Variants in RYR1 observed in about 807,000 individuals in gnomAD.
RYR1 encodes the protein ryanodine receptor 1.
Under a neutral mutation model 583.5 loss-of-function variants are expected in RYR1, and 342 were observed. The observed-to-expected ratio is 0.59, with a 90% CI of 0.54 to 0.64. The LOEUF (loss-of-function observed/expected upper bound fraction) is 0.64. Among genes scored for constraint, RYR1 ranks in the 30% least tolerant of loss-of-function variants. The pLI is 0.00. For synonymous variants in RYR1, 2,791 were observed against 2,822.5 expected (o/e 0.99, Z 0.35); for missense variants, 6,032 against 6,917.2 (o/e 0.87, Z 4.54).
chr19:38,584,062 C>T (rs982785602), intron 101 of RYR1, among the ~76,000 whole-genome samples: 2 of 152,016 alleles, frequency 1.3e-5, no homozygotes, highest in Non-Finnish European at 2.9e-5. Flanking sequence ...CCTAAGGCCT[C>T]CTTTAGGTTT....
intron 13 of RYR1, among the ~76,000 whole-genome samples, chr19:38,453,284 G>T (rs532705047): frequency 2.0e-5 from 3 of 151,608 alleles, no homozygotes; most frequent in African/African-American, 7.3e-5. Context: ...GGCGGGGCCT[G>T]GAGAGAAGGA....
At chr19:38,468,115 AC>A (rs1173133441) in intron 25 of RYR1, among the ~76,000 whole-genome samples, 1 of 140,936 alleles carries the variant, frequency 7.1e-6, no homozygotes, top group East Asian at 2.1e-4. Flanking sequence ...CAGCTAACCA[AC>A]CATCCATTCA....
intron 76 of RYR1, 107 bp downstream of exon 76, chr19:38,529,164 G>A (rs763349606): frequency 5.8e-5 from 63 of 1,082,968 alleles, no homozygotes; most frequent in Non-Finnish European, 7.7e-5. Flanking sequence ...TCCTGGGGGA[G>A]CCCAAGACAG....
rs1434643889 is a variant in RYR1, at chr19:38,565,561, C to A, written c.13227C>A (p.Ser4409Arg). The A allele has an allele frequency of 1.3e-6, 2 of 1,483,372 alleles. No homozygotes were observed. Among genetic ancestry groups the A allele is most frequent in the Admixed American group, 2.2e-5 (1 of 44,774 alleles). The allele number at this position is 1,483,372 out of a possible 1,614,324, so 91.9% of individuals were successfully genotyped here. A position where few individuals can be genotyped will look rare whatever the true frequency, so the allele number is the denominator to read the frequency against. ...PGGDADGEGA[S>R]EGAGDAAEGA... ...GAGACGCAGACGGCGAGGGTGCCAG[C>A]GAGGGCGCTGGAGACGCCGCGGAGG... The change falls in exon 91 of 106, where the codon AGC becomes AGA. Residue 4409 changes from serine (S) to arginine (R), a missense_variant. Around this residue, in one of 11 missense-constraint regions of RYR1, gnomAD observed 753 missense variants for 759.6 expected, o/e 0.99. Transcript: ENST00000359596. The surrounding 1 kb of genome is among the most constrained non-coding windows in gnomAD (Gnocchi z 4.7).
At chr19:38,498,947 G>A (rs903125900) in intron 42 of RYR1, among the ~76,000 whole-genome samples, 161 bp from the exon 43 acceptor site, 1 of 152,236 alleles carries the variant, frequency 6.6e-6, no homozygotes, top group African/African-American at 2.4e-5. Context: ...TGGAGTTGCT[G>A]TAGTTTACAG....
At position 38,455,737 on chromosome 19, in the gene RYR1, G is replaced by A; in HGVS notation, c.1777G>A (p.Gly593Arg). The stretch of plus-strand genomic sequence containing the variant: ...CATCATCTCCCTCCTGGACAAGCAT[G>A]GGAGGAACCACAAGGTCGGCCCCTC... Reference protein sequence around the residue: ...KSIISLLDKHGRNHKVLDVLC... With the variant: ...KSIISLLDKHRRNHKVLDVLC... The change falls in exon 16 of 106, where the codon GGG becomes AGG. Residue 593 changes from glycine to arginine, a missense_variant. Physicochemically the swap from Gly to Arg is moderately radical, Grantham distance 125 (BLOSUM62 -2). Coordinates refer to ENST00000359596, the MANE Select transcript of RYR1 (RefSeq NM_000540.3). The A allele has an allele frequency of 6.2e-7, 1 of 1,609,688 alleles. No individual in the cohort carries two copies. Among genetic ancestry groups the A allele is most frequent in the Non-Finnish European group, 8.5e-7 (1 of 1,176,524 alleles).
chr19:38,522,859 G>GA (rs145400994), intron 67 of RYR1, among the ~76,000 whole-genome samples, 169 bp from the exon 68 acceptor site: 2 of 151,750 alleles, frequency 1.3e-5, no homozygotes, highest in African/African-American at 2.4e-5. Context: ...CTGAGACAGA[G>GA]AAAAAAAATT....
At position 38,496,556 on chromosome 19, in the gene RYR1, G is replaced by T. The variant is rs767716014; in HGVS notation, c.6796+15G>T. 13 of 1,612,912 alleles carry T rather than the reference G, an allele frequency of 8.1e-6. No individual in the cohort carries two copies. In the Admixed American group the frequency reaches 2.2e-4, roughly 27 times the overall value. On this transcript the variant is annotated intron_variant, in intron 41 of 105. Coordinates refer to ENST00000359596, the MANE Select transcript of RYR1 (RefSeq NM_000540.3). This position sits in a 1 kb window ranked among gnomAD's most constrained non-coding sequence, Gnocchi z 4.8. ...CATCGGCCTGGGTGAGAACCCCCGAGCCCAGGGGCTGTCCCCCAGAACCCA... is the reference window on the plus strand; with the variant it reads ...CATCGGCCTGGGTGAGAACCCCCGATCCCAGGGGCTGTCCCCCAGAACCCA...
intron 65 of RYR1, among the ~76,000 whole-genome samples, 170 bp downstream of exon 65, chr19:38,516,387 G>T (rs1454171363): frequency 6.6e-6 from 1 of 152,162 alleles, no homozygotes; most frequent in Non-Finnish European, 1.5e-5. Flanking sequence ...ATGGTTCGGG[G>T]GCATTTCAAG....
rs140924621 is a variant in RYR1 at position 38,496,998 on chromosome 19, G to A, written c.6891+44G>A. 2.5e-5 allele frequency: 39 copies of A among 1,549,174 alleles called. No homozygotes were observed. Among genetic ancestry groups the A allele is most frequent in the South Asian group, 1.1e-4 (10 of 89,524 alleles). On this transcript the variant is annotated intron_variant, in intron 42 of 105. Transcript: ENST00000359596. The surrounding 1 kb of genome is among the most constrained non-coding windows in gnomAD (Gnocchi z 4.8). ...GGCCCCAGGCCTAAGGGAGGAAATC[G>A]GGCCGCTACCCGGCTGCTTGGGACA...
chr19:38,557,055 T>TC (rs1555797325), intron 89 of RYR1, among the ~76,000 whole-genome samples: 128 of 144,310 alleles, frequency 8.9e-4, no homozygotes, highest in African/African-American at 3.3e-3. Context: ...TCATTTCTTT[T>TC]TTTTTTTTTT....
At position 38,465,136 on chromosome 19, in the gene RYR1, C is replaced by T. The variant is rs114498496; in HGVS notation, c.2870+414C>T. 3.3e-3 allele frequency among the ~76,000 whole-genome samples: 500 copies of T among 152,034 alleles called. 3 individuals carry two copies. Among genetic ancestry groups the T allele is most frequent in the African/African-American group, 0.012 (479 of 41,436 alleles). The stretch of plus-strand genomic sequence containing the variant: ...AGTTCAGAGGTCAAGGACTCCAGAC[C>T]CAGGAGTTTGGGGTGGATGAGGACT... On this transcript the variant is annotated intron_variant, in intron 23 of 105. Coordinates refer to ENST00000359596, the MANE Select transcript of RYR1 (RefSeq NM_000540.3).
intron 70 of RYR1, 143 bp downstream of exon 70, chr19:38,524,072 C>A (rs1336768466): frequency 7.3e-6 from 6 of 822,766 alleles, no homozygotes; most frequent in Admixed American, 6.3e-5. Context: ...CATCCTCCTT[C>A]CCTTCCCTTC....
At chr19:38,453,561 G>A (rs1967207682) in intron 13 of RYR1, among the ~76,000 whole-genome samples, 1 of 151,924 alleles carries the variant, frequency 6.6e-6, no homozygotes, top group South Asian at 2.1e-4. Flanking sequence ...TTATGGAGTT[G>A]ACATGGCGGG....
chr19:38,492,185 G>C (rs951404104), intron 37 of RYR1, among the ~76,000 whole-genome samples: 1 of 151,786 alleles, frequency 6.6e-6, no homozygotes, highest in Non-Finnish European at 1.5e-5. Flanking sequence ...AACATGGCAA[G>C]ACCCCCATCT....
intron 89 of RYR1, among the ~76,000 whole-genome samples, chr19:38,557,269 A>C (rs1344717692): frequency 6.6e-6 from 1 of 152,134 alleles, no homozygotes; most frequent in Non-Finnish European, 1.5e-5. Context: ...ATGAGTACCT[A>C]CTGTGTGTCA....
intron 89 of RYR1, among the ~76,000 whole-genome samples, chr19:38,553,230 G>A (rs1972740757): frequency 6.6e-6 from 1 of 151,436 alleles, no homozygotes; most frequent in Non-Finnish European, 1.5e-5. Flanking sequence ...GGCTACTCAG[G>A]AGGCTAAGGC....
chr19:38,457,489 A>T lies in RYR1; in HGVS notation c.1792-8A>T, dbSNP rs746765869. On this transcript the variant is annotated splice_region_variant and splice_polypyrimidine_tract_variant and intron_variant, in intron 16 of 105. Transcript: ENST00000359596. ...ACACACCCTTTAACCTCTGACCTTG[A>T]CCTCTAGGTCCTGGACGTGCTATGC... 4.3e-6 allele frequency: 7 copies of T among 1,613,450 alleles called. No homozygotes were observed. In the South Asian group the frequency reaches 7.7e-5, roughly 18 times the overall value.
At chr19:38,566,773 G>A in intron 91 of RYR1, 138 bp from the exon 92 acceptor site, 1 of 1,481,444 alleles carries the variant, frequency 6.8e-7, no homozygotes, top group Non-Finnish European at 9.2e-7. Context: ...ATCATAATCT[G>A]CCTCTTTCTG....
Sources: allele counts gnomAD v4.1 joint callset (sites outside exome capture counted in the v4.1 genomes callset), GRCh38; gene constraint gnomAD v4.1.1; regional missense constraint gnomAD v4.1.1; non-coding constraint Gnocchi (gnomAD v3.1); transcripts MANE v1.5; gene names NCBI Gene and HGNC (gene_info 2026-07-23, HGNC 2026-07-21).